The following ZNF648 variants were observed in gnomAD, a reference collection of about 807,000 sequenced individuals.
ZNF648 encodes the protein zinc finger protein 648.
ZNF648 carries 1 observed loss-of-function variant against 0.3 expected under a neutral mutation model. That is an observed-to-expected ratio of 3.90 (90% CI 1.39 to 18.51). The LOEUF (loss-of-function observed/expected upper bound fraction) is 18.51, where lower values mean the gene tolerates loss of function less well. ZNF648 is among the 30% of genes most tolerant of loss of function. The pLI is 0.11. For synonymous variants in ZNF648, 376 were observed against 326.8 expected (o/e 1.15, Z -1.62); for missense variants, 874 against 769.7 (o/e 1.14, Z -1.60).
chr1:182,058,148 T>C, intron 1 of ZNF648, 75 bp from the exon 2 acceptor site: 1 of 1,043,222 alleles, frequency 9.6e-7, no homozygotes, highest in Non-Finnish European at 1.4e-6. Context: ...GGGACTGAGG[T>C]TCCCACTATA....
chr1:182,056,813 C>CGGGA lies in ZNF648; in HGVS notation c.1197_1198insTCCC (p.Glu400SerfsTer54). ...ACCATGCGGCTGGCCACAGCGAACTCCCGGTCGCAGGCGGGGCAGCGGAAG... is the reference window on the plus strand; with the variant it reads ...ACCATGCGGCTGGCCACAGCGAACTCGGGACCGGTCGCAGGCGGGGCAGCGGAAG... On this transcript the variant is annotated frameshift_variant, in exon 2 of 2. Transcript: ENST00000339948. LOFTEE classifies it low-confidence loss of function (END_TRUNC). 1 of 1,554,346 alleles carries CGGGA rather than the reference C, an allele frequency of 6.4e-7. No individual in the cohort carries two copies. The highest frequency in any genetic ancestry group is 8.7e-7 in the Non-Finnish European group (1 of 1,148,934).
At chr1:182,059,902 G>A (rs1666003464) in intron 1 of ZNF648, among the ~76,000 whole-genome samples, 1 of 152,092 alleles carries the variant, frequency 6.6e-6, no homozygotes, top group Non-Finnish European at 1.5e-5. Context: ...ACCTGCCCAA[G>A]GCCACACAGC....
chr1:182,062,227 T>C (rs1209800600), upstream of ZNF648, among the ~76,000 whole-genome samples: 2 of 152,218 alleles, frequency 1.3e-5, no homozygotes, highest in African/African-American at 4.8e-5. Flanking sequence ...TTCTGTCTTA[T>C]GCATACAGAT....
At chr1:182,069,491 G>C in the ZNF648 span, among the ~76,000 whole-genome samples, 1 of 152,212 alleles carries the variant, frequency 6.6e-6, no homozygotes, top group Non-Finnish European at 1.5e-5. Context: ...ATTTCCTATA[G>C]GGCTGCTGGA....
In ZNF648 at chr1:182,057,290, C is replaced by G. The variant is rs1168455827; in HGVS notation, c.721G>C (p.Glu241Gln). Residue 241 changes from glutamate (E) to glutamine (Q), a missense_variant, in exon 2 of 2, where the codon GAG (glutamate) becomes CAG (glutamine). Transcript: ENST00000339948. Reference protein sequence around the residue: ...RKVQNQAGRREGGEAEARPYR... With the variant: ...RKVQNQAGRRQGGEAEARPYR... ...GGACGCGCCTCAGCCTCTCCGCCCT[C>G]GCGCCGGCCCGCCTGGTTCTGTACT... 2 of 1,596,574 alleles carry G rather than the reference C, an allele frequency of 1.3e-6. No homozygotes were observed. The highest frequency in any genetic ancestry group is 1.7e-6 in the Non-Finnish European group (2 of 1,176,256).
rs764925658 is a variant in ZNF648, at chr1:182,056,489, C to T, written c.1522G>A (p.Glu508Lys). The T allele has an allele frequency of 2.9e-5, 46 of 1,613,770 alleles. No individual in the cohort carries two copies. The Admixed American group carries it at 7.2e-4, about 25-fold the overall frequency. Residue 508 changes from glutamate (E) to lysine (K), a missense_variant, in exon 2 of 2, where the codon GAG (glutamate) becomes AAG (lysine). Transcript: ENST00000339948. ...HSGEKGFLCA[E>K]CGRAFRIASE... ...GCAATGCGGAAGGCCCTGCCGCACT[C>T]GGCACAGAGGAATCCCTTCTCCCCG...
At position 182,057,678 on chromosome 1, in the gene ZNF648, G is replaced by T. The variant is rs12568050; in HGVS notation, c.333C>A (p.Asn111Lys). ...TTGCTCCCGGGGAACCCTGGGTCTC[G>T]TTGATCTTTGTCACATCTCTGCTCC... Reference protein sequence around the residue: ...ASWSRDVTKINETQGSPGASR... With the variant: ...ASWSRDVTKIKETQGSPGASR... The change falls in exon 2 of 2, where the codon AAC (asparagine) becomes AAA (lysine). Residue 111 changes from asparagine (N) to lysine (K), a missense_variant. Transcript: ENST00000339948. The T allele has an allele frequency of 1.9e-6, 3 of 1,614,084 alleles. No homozygotes were observed. The highest frequency in any genetic ancestry group is 2.5e-6 in the Non-Finnish European group (3 of 1,180,006).
Position 182,056,416 on chromosome 1 carries a change from T to C in ZNF648, c.1595A>G (p.Tyr532Cys). 1 of 1,614,004 alleles carries C rather than the reference T, an allele frequency of 6.2e-7. No individual in the cohort carries two copies. The highest frequency in any genetic ancestry group is 8.5e-7 in the Non-Finnish European group (1 of 1,179,980). ...HIRMHNGERP[Y>C]QCEDCGQAFT... ...GGCCTGGCCGCAGTCCTCACACTGGTAGGGCCTCTCTCCGTTGTGCATTCG... is the reference window on the plus strand; with the variant it reads ...GGCCTGGCCGCAGTCCTCACACTGGCAGGGCCTCTCTCCGTTGTGCATTCG... The change falls in exon 2 of 2, where the codon TAC becomes TGC. Residue 532 changes from tyrosine (Y) to cysteine (C), a missense_variant. Coordinates refer to ENST00000339948, the MANE Select transcript of ZNF648 (RefSeq NM_001009992.1).
chr1:182,066,549 CTT>C (rs1030739851), upstream of ZNF648, among the ~76,000 whole-genome samples: 27 of 152,196 alleles, frequency 1.8e-4, no homozygotes, highest in African/African-American at 6.0e-4. Context: ...AGGCATCAAA[CTT>C]TGCTGAGTAT....
At chr1:182,061,312 G>A (rs1006204283) in intron 1 of ZNF648, among the ~76,000 whole-genome samples, 1 of 152,298 alleles carries the variant, frequency 6.6e-6, no homozygotes, top group Non-Finnish European at 1.5e-5. Flanking sequence ...TCCTTTGCTG[G>A]AACTTCCTCT....
the ZNF648 span, chr1:182,068,391 C>G: frequency 6.6e-6 from 1 of 152,216 alleles, no homozygotes; most frequent in Non-Finnish European, 1.5e-5. Context: ...GACAGGGAAT[C>G]ACTTTAGTGA....
the ZNF648 span, among the ~76,000 whole-genome samples, chr1:182,067,911 C>T: frequency 6.6e-6 from 1 of 152,240 alleles, no homozygotes; most frequent in Non-Finnish European, 1.5e-5. Context: ...CTCCACTCCT[C>T]CACATTCCAC....
chr1:182,058,599 A>T (rs1189438105), intron 1 of ZNF648, among the ~76,000 whole-genome samples: 3 of 152,090 alleles, frequency 2.0e-5, no homozygotes, highest in Non-Finnish European at 4.4e-5. Context: ...TCCAAAGATA[A>T]GGAGCAGCCC....
At position 182,056,702 on chromosome 1, in the gene ZNF648, C is replaced by T. The variant is rs1389916572; in HGVS notation, c.1309G>A (p.Glu437Lys). The T allele has an allele frequency of 5.0e-6, 8 of 1,597,788 alleles. No homozygotes were observed. The highest frequency in any genetic ancestry group is 6.8e-6 in the Non-Finnish European group (8 of 1,172,222). Residue 437 changes from glutamate to lysine, a missense_variant, in exon 2 of 2, where the codon GAG (glutamate) becomes AAG (lysine). Physicochemically the swap from Glu to Lys is moderately conservative, Grantham distance 56 (BLOSUM62 1). Coordinates refer to ENST00000339948, the MANE Select transcript of ZNF648 (RefSeq NM_001009992.1). ...KCFTKSSNLS[E>K]HQTLHTGQRP... ...TGGCCGGTGTGCAGCGTCTGGTGCTCGGACAGATTGGAGGACTTGGTGAAG... is the reference window on the plus strand; with the variant it reads ...TGGCCGGTGTGCAGCGTCTGGTGCTTGGACAGATTGGAGGACTTGGTGAAG...
In ZNF648 at chr1:182,057,439, C is replaced by T; in HGVS notation, c.572G>A (p.Cys191Tyr). Reference protein sequence around the residue: ...DTSAGNSSLLCFPRPGSNWDL... With the variant: ...DTSAGNSSLLYFPRPGSNWDL... The stretch of plus-strand genomic sequence containing the variant: ...CCAGTTGCTCCCCGGCCTGGGGAAA[C>T]ACAACAGAGAAGAGTTCCCTGCGGA... The change falls in exon 2 of 2, where the codon TGT becomes TAT. Residue 191 changes from cysteine (C) to tyrosine (Y), a missense_variant. Cys to Tyr is a radical substitution (Grantham distance 194). Coordinates refer to ENST00000339948, the MANE Select transcript of ZNF648 (RefSeq NM_001009992.1). 1 of 1,614,222 alleles carries T rather than the reference C, an allele frequency of 6.2e-7. No individual in the cohort carries two copies. Among genetic ancestry groups the T allele is most frequent in the East Asian group, 2.2e-5 (1 of 44,876 alleles).
upstream of ZNF648, among the ~76,000 whole-genome samples, chr1:182,066,060 A>G (rs1222216489): frequency 2.0e-5 from 3 of 152,214 alleles, no homozygotes; most frequent in Admixed American, 6.5e-5. Flanking sequence ...TTCCTTAAGC[A>G]TGGAAACAAA....
chr1:182,068,822 G>A, the ZNF648 span, among the ~76,000 whole-genome samples: 2 of 150,970 alleles, frequency 1.3e-5, no homozygotes, highest in Non-Finnish European at 2.9e-5. Context: ...CTACTCAGGA[G>A]GCTGAGGCAG....
rs1362957147 is a variant in ZNF648, at chr1:182,054,715, C to G, written c.*1589G>C. 3 of 152,212 alleles carry G rather than the reference C, an allele frequency of 2.0e-5. No homozygotes were observed. Among genetic ancestry groups the G allele is most frequent in the Admixed American group, 2.0e-4 (3 of 15,282 alleles). 9.4% of individuals were successfully genotyped at this position (152,212 alleles called of 1,614,324 possible). A position where few individuals can be genotyped will look rare whatever the true frequency, so the allele number is the denominator to read the frequency against. ...GTTTCCGTCATATAGTAGGATCACT[C>G]TAACTTTTACCTACTACTATCACTT... On this transcript the variant is annotated 3_prime_UTR_variant, in exon 2 of 2. Transcript: ENST00000339948.
Position 182,056,461 on chromosome 1 carries a change from G to C in ZNF648, c.1550C>G (p.Ser517Cys), listed in dbSNP as rs1181556731. The stretch of plus-strand genomic sequence containing the variant: ...CATTCGTATGTGCTGGGCCAACTCA[G>C]AGGCAATGCGGAAGGCCCTGCCGCA... ...AECGRAFRIA[S>C]ELAQHIRMHN... The change falls in exon 2 of 2, where the codon TCT becomes TGT. Residue 517 changes from serine to cysteine, a missense_variant. By Grantham distance (112) the Ser-to-Cys change is moderately radical. Coordinates refer to ENST00000339948, the MANE Select transcript of ZNF648 (RefSeq NM_001009992.1). The C allele has an allele frequency of 6.2e-7, 1 of 1,614,036 alleles. No individual in the cohort carries two copies. The highest frequency in any genetic ancestry group is 8.5e-7 in the Non-Finnish European group (1 of 1,179,958).
Sources: allele counts gnomAD v4.1 joint callset (sites outside exome capture counted in the v4.1 genomes callset), GRCh38; gene constraint gnomAD v4.1.1; transcripts MANE v1.5; gene names NCBI Gene and HGNC (gene_info 2026-07-23, HGNC 2026-07-21).